The following DPH6 variants were observed in gnomAD, a reference collection of about 807,000 sequenced individuals.
DPH6 encodes the protein diphthine--ammonia ligase.
A neutral mutation model predicts 38.2 loss-of-function variants in DPH6; 33 were observed. That is an observed-to-expected ratio of 0.86 (90% confidence interval 0.65 to 1.15). DPH6 has a LOEUF of 1.15. Among genes scored for constraint, DPH6 ranks in the 50% most tolerant of loss-of-function variants. The probability of loss-of-function intolerance (pLI) is 0.00; values close to 1 mark genes in which losing one functional copy is unlikely to be tolerated. For missense variants in DPH6, 325 were observed against 320.0 expected (o/e 1.02, Z -0.12); for synonymous variants, 108 against 103.0 (o/e 1.05, Z -0.30).
chr15:35,318,072 T>C (rs951931076), intron 3 of DPH6, among the ~76,000 whole-genome samples: 1 of 151,994 alleles, frequency 6.6e-6, no homozygotes, highest in African/African-American at 2.4e-5. Flanking sequence ...GTAAGTATAT[T>C]AAAAGCAATT....
At chr15:35,480,876 T>G (rs2054318010) in intron 3 of DPH6, among the ~76,000 whole-genome samples, 1 of 152,036 alleles carries the variant, frequency 6.6e-6, no homozygotes, top group Admixed American at 6.6e-5. Flanking sequence ...GAAACAGGAA[T>G]GATAGAATTG....
intron 6 of DPH6, among the ~76,000 whole-genome samples, chr15:35,405,516 CAT>C (rs1219931160): frequency 6.6e-6 from 1 of 151,992 alleles, no homozygotes; most frequent in Non-Finnish European, 1.5e-5. Flanking sequence ...TCACTGTTGG[CAT>C]ATAGACATGC....
chr15:35,465,977 A>G (rs1395742578), intron 3 of DPH6, among the ~76,000 whole-genome samples: 1 of 152,226 alleles, frequency 6.6e-6, no homozygotes, highest in Non-Finnish European at 1.5e-5. Context: ...ATGTGAAACT[A>G]AATGGAAGTC....
At chr15:35,477,140 C>A (rs2054272979) in intron 3 of DPH6, among the ~76,000 whole-genome samples, 1 of 151,714 alleles carries the variant, frequency 6.6e-6, no homozygotes, top group South Asian at 2.1e-4. Flanking sequence ...CTATGCATAT[C>A]ATTAATGAAA....
At chr15:35,243,723 C>T (rs890846205) in intron 3 of DPH6, among the ~76,000 whole-genome samples, 1 of 151,568 alleles carries the variant, frequency 6.6e-6, no homozygotes, top group East Asian at 1.9e-4. Flanking sequence ...CCACCCTTAT[C>T]TCCCTTTGCT....
chr15:35,185,659 A>G, the DPH6 span, among the ~76,000 whole-genome samples: 1 of 151,890 alleles, frequency 6.6e-6, no homozygotes, highest in African/African-American at 2.4e-5. Context: ...TCGAGCGTAG[A>G]AGGTATTAGA....
At chr15:35,458,656 G>A (rs916207526) in intron 3 of DPH6, among the ~76,000 whole-genome samples, 18 of 152,280 alleles carry the variant, frequency 1.2e-4, no homozygotes, top group African/African-American at 4.3e-4. Context: ...AAGATGTACT[G>A]AGACAGCATA....
intron 3 of DPH6, among the ~76,000 whole-genome samples, chr15:35,271,317 C>T (rs1199071727): frequency 6.6e-6 from 1 of 152,132 alleles, no homozygotes; most frequent in Non-Finnish European, 1.5e-5. Context: ...CCCCCTACCC[C>T]CAATTGGGTA....
chr15:35,516,075 T>C (rs1453315508), intron 3 of DPH6, among the ~76,000 whole-genome samples: 1 of 152,148 alleles, frequency 6.6e-6, no homozygotes, highest in African/African-American at 2.4e-5. Context: ...AAAGCAGACA[T>C]ACTGAAATGC....
chr15:35,169,274 C>T, the DPH6 span, among the ~76,000 whole-genome samples: 1 of 152,056 alleles, frequency 6.6e-6, no homozygotes, highest in African/African-American at 2.4e-5. Context: ...GAGATATGCT[C>T]TGAATTATTT....
chr15:35,493,635 T>C (rs1345484045), intron 3 of DPH6, among the ~76,000 whole-genome samples: 2 of 152,168 alleles, frequency 1.3e-5, no homozygotes, highest in African/African-American at 4.8e-5. Context: ...AATTCACCTC[T>C]GTTTATTAAT....
downstream of DPH6, among the ~76,000 whole-genome samples, chr15:35,369,448 C>G: frequency 6.6e-6 from 1 of 151,454 alleles, no homozygotes; most frequent in Non-Finnish European, 1.5e-5. Flanking sequence ...ATTCATCTTT[C>G]TTTTGGTAAT....
chr15:35,330,335 C>T (rs1022130114), downstream of DPH6, among the ~76,000 whole-genome samples: 1 of 151,956 alleles, frequency 6.6e-6, no homozygotes, highest in African/African-American at 2.4e-5. Context: ...TGAAAAAGAA[C>T]CCTGAATAAA....
downstream of DPH6, among the ~76,000 whole-genome samples, chr15:35,327,195 G>A (rs1471915753): frequency 6.6e-6 from 1 of 152,138 alleles, no homozygotes; most frequent in Non-Finnish European, 1.5e-5. Context: ...AATGTTGCAA[G>A]CTTTTGCAGC....
At chr15:35,207,985 A>G in the DPH6 span, among the ~76,000 whole-genome samples, 16 of 152,226 alleles carry the variant, frequency 1.1e-4, no homozygotes, top group Non-Finnish European at 1.9e-4. Context: ...TACGATGACC[A>G]GAACTTGTTT....
intron 3 of DPH6, chr15:35,298,532 A>G: frequency 1.3e-6 from 1 of 779,902 alleles, no homozygotes; most frequent in Non-Finnish European, 2.4e-6. Flanking sequence ...CCTTAGTAGG[A>G]CCACTTTATT....
chr15:35,515,501 C>T (rs1007222132), intron 3 of DPH6, among the ~76,000 whole-genome samples: 7 of 151,846 alleles, frequency 4.6e-5, no homozygotes, highest in Admixed American at 2.0e-4. Flanking sequence ...GTGGGTGGAT[C>T]ACAAGGTCAG....
the DPH6 span, among the ~76,000 whole-genome samples, chr15:35,199,310 C>A: frequency 6.6e-6 from 1 of 152,116 alleles, no homozygotes; most frequent in South Asian, 2.1e-4. Flanking sequence ...TTAAACATTT[C>A]AGTTATAAAA....
At position 35,373,541 on chromosome 15, in the gene DPH6, CTAAAAAGCG is replaced by C. The variant is rs767326453; in HGVS notation, c.721_729del (p.Arg241_Leu243del). The C allele has an allele frequency of 1.9e-5, 31 of 1,606,772 alleles. No homozygotes were observed. Among genetic ancestry groups the C allele is most frequent in the Non-Finnish European group, 2.6e-5 (31 of 1,176,720 alleles). On this transcript the variant is annotated inframe_deletion, in exon 8 of 9. Coordinates refer to ENST00000256538, the MANE Select transcript of DPH6 (RefSeq NM_080650.4). ...CTTGCCTTGTCCTCCAAGTGCAATT[CTAAAAAGCG>C]TAGATAAGCCACAGGTGCAAATGCA... is the stretch of plus-strand genomic sequence containing the variant.
Sources: allele counts gnomAD v4.1 joint callset (sites outside exome capture counted in the v4.1 genomes callset), GRCh38; gene constraint gnomAD v4.1.1; transcripts MANE v1.5; gene names NCBI Gene and HGNC (gene_info 2026-07-23, HGNC 2026-07-21).